Variants in SLC9A9 observed in about 807,000 individuals in gnomAD.
SLC9A9 encodes the protein solute carrier family 9 member A9.
In SLC9A9, 62 loss-of-function variants were observed where a neutral mutation model predicts 77.8. The observed-to-expected ratio is 0.80, with a 90% CI of 0.65 to 0.98. The LOEUF (loss-of-function observed/expected upper bound fraction) is 0.98, where lower values mean the gene tolerates loss of function less well. Ranked by LOEUF, SLC9A9 falls within the 50% of genes least tolerant of loss-of-function variation. The probability of loss-of-function intolerance (pLI) is 0.00; values close to 1 mark genes in which losing one functional copy is unlikely to be tolerated. For synonymous variants in SLC9A9, 320 were observed against 283.5 expected (o/e 1.13, Z -1.29); for missense variants, 775 against 774.9 (o/e 1.00, Z 0.00).
intron 2 of SLC9A9, among the ~76,000 whole-genome samples, chr3:143,805,379 C>T (rs1353155612): frequency 6.6e-6 from 1 of 152,088 alleles, no homozygotes; most frequent in African/African-American, 2.4e-5. Context: ...AAACATCGCC[C>T]ATTATCTCTC....
chr3:143,651,716 G>C (rs534932727), intron 6 of SLC9A9, among the ~76,000 whole-genome samples: 2 of 152,176 alleles, frequency 1.3e-5, no homozygotes, highest in Non-Finnish European at 2.9e-5. Flanking sequence ...TCCTTCCAGC[G>C]CAAAGGGAAA....
intron 11 of SLC9A9, among the ~76,000 whole-genome samples, chr3:143,490,383 A>G (rs2035720003): frequency 6.7e-6 from 1 of 150,294 alleles, no homozygotes; most frequent in Non-Finnish European, 1.5e-5. Context: ...ACATGGATGA[A>G]CCTTGAGGAT....
At chr3:143,785,062 C>T (rs922545612) in intron 4 of SLC9A9, among the ~76,000 whole-genome samples, 14 of 152,180 alleles carry the variant, frequency 9.2e-5, no homozygotes, top group African/African-American at 2.2e-4. Flanking sequence ...GTTTATAAGA[C>T]GCCAGTCTAT....
chr3:143,804,681 C>T (rs1004315517), intron 2 of SLC9A9, among the ~76,000 whole-genome samples: 4 of 152,136 alleles, frequency 2.6e-5, no homozygotes, highest in African/African-American at 9.7e-5. Context: ...CAAATGGGAC[C>T]AAAGAGCTCC....
At chr3:143,633,581 CAGTGT>C (rs2038464189) in intron 6 of SLC9A9, among the ~76,000 whole-genome samples, 1 of 151,966 alleles carries the variant, frequency 6.6e-6, no homozygotes. Flanking sequence ...TACAATGATA[CAGTGT>C]ATAAATATCT....
At chr3:143,522,071 A>C (rs936222694) in intron 9 of SLC9A9, among the ~76,000 whole-genome samples, 2 of 152,144 alleles carry the variant, frequency 1.3e-5, no homozygotes, top group African/African-American at 4.8e-5. Context: ...CTTCCAACCT[A>C]AGATTCTGTT....
At chr3:143,526,687 C>T (rs1413594235) in intron 9 of SLC9A9, among the ~76,000 whole-genome samples, 1 of 152,126 alleles carries the variant, frequency 6.6e-6, no homozygotes, top group Non-Finnish European at 1.5e-5. Context: ...GAGGAAAAAC[C>T]TCCTATTCTC....
At chr3:143,521,020 T>C (rs1450972308) in intron 9 of SLC9A9, among the ~76,000 whole-genome samples, 1 of 152,176 alleles carries the variant, frequency 6.6e-6, no homozygotes, top group African/African-American at 2.4e-5. Flanking sequence ...TTCTCCTGTT[T>C]GTGACTAGAA....
chr3:143,734,732 C>CAAAAA (rs532314682), intron 4 of SLC9A9, among the ~76,000 whole-genome samples: 2 of 66,156 alleles, frequency 3.0e-5, no homozygotes, highest in Non-Finnish European at 6.6e-5. Flanking sequence ...GACTCCATCT[C>CAAAAA]AAAAAAAAAA....
chr3:143,443,697 G>A (rs994759743), intron 12 of SLC9A9, among the ~76,000 whole-genome samples: 3 of 152,082 alleles, frequency 2.0e-5, no homozygotes, highest in African/African-American at 7.2e-5. Context: ...TATTCCCAAG[G>A]GCTGTCCTAA....
chr3:143,470,084 A>C (rs838623), intron 11 of SLC9A9, among the ~76,000 whole-genome samples: 34,608 of 152,174 alleles, frequency 0.23, 5,130 homozygotes, highest in Non-Finnish European at 0.34. Flanking sequence ...TCAAGGAAAC[A>C]GTCGTACAAT....
chr3:143,752,835 G>C (rs1468453091), intron 4 of SLC9A9, among the ~76,000 whole-genome samples: 1 of 152,144 alleles, frequency 6.6e-6, no homozygotes, highest in Non-Finnish European at 1.5e-5. Flanking sequence ...AATGGATATG[G>C]AAAAGAAAAG....
intron 9 of SLC9A9, among the ~76,000 whole-genome samples, chr3:143,534,002 T>G (rs926360298): frequency 2.0e-5 from 3 of 152,210 alleles, no homozygotes; most frequent in Non-Finnish European, 2.9e-5. Flanking sequence ...ATTAAAGATT[T>G]CATATGGTAA....
At chr3:143,842,579 C>T (rs754324432) in intron 1 of SLC9A9, among the ~76,000 whole-genome samples, 7 of 152,200 alleles carry the variant, frequency 4.6e-5, no homozygotes, top group Non-Finnish European at 8.8e-5. Flanking sequence ...ATGCTGGGCT[C>T]CTAACCGTGA....
rs753314645 is a variant in SLC9A9, at chr3:143,848,253, G to A, written c.70C>T (p.Leu24=). The part of the protein sequence containing the change: ...YQFQHQGAVE[L]LVFNFLLILT... ...ATGAGCAAAAAATTGAAGACAAGCA[G>A]CTCCACCGCTCCCTGATGTTGAAAC... Residue 24 remains leucine, a synonymous_variant, in exon 1 of 16, where the codon CTG becomes TTG. Transcript: ENST00000316549. 56 of 1,613,866 alleles carry A rather than the reference G, an allele frequency of 3.5e-5. No homozygotes were observed. Among genetic ancestry groups the A allele is most frequent in the Middle Eastern group, 3.3e-4 (2 of 6,084 alleles).
intron 12 of SLC9A9, among the ~76,000 whole-genome samples, chr3:143,450,673 G>A (rs2034991048): frequency 6.6e-6 from 1 of 152,154 alleles, no homozygotes; most frequent in Admixed American, 6.5e-5. Context: ...GAATCCCACT[G>A]AAATGACAAA....
rs1019111639 is a variant in SLC9A9, at chr3:143,751,465, C to T, written c.533+43536G>A. 4.6e-5 allele frequency among the ~76,000 whole-genome samples: 7 copies of T among 152,084 alleles called. No individual in the cohort carries two copies. The East Asian group carries it at 7.7e-4, about 17-fold the overall frequency. On this transcript the variant is annotated intron_variant, in intron 4 of 15. Transcript: ENST00000316549. ...GGGCATGCTGCTTTCCAGAGACATC[C>T]GATGCTATAAACATATGAAGACCTG...
At chr3:143,296,209 A>G (rs1364550964) in intron 14 of SLC9A9, among the ~76,000 whole-genome samples, 1 of 152,204 alleles carries the variant, frequency 6.6e-6, no homozygotes, top group Non-Finnish European at 1.5e-5. Flanking sequence ...TGCCAATTAA[A>G]TAGCAACTTC....
intron 8 of SLC9A9, among the ~76,000 whole-genome samples, chr3:143,554,473 A>T (rs2036944533): frequency 6.6e-6 from 1 of 152,136 alleles, no homozygotes; most frequent in South Asian, 2.1e-4. Flanking sequence ...CCTTGAACCC[A>T]AACACTTCTC....
Sources: allele counts gnomAD v4.1 joint callset (sites outside exome capture counted in the v4.1 genomes callset), GRCh38; gene constraint gnomAD v4.1.1; transcripts MANE v1.5; gene names NCBI Gene and HGNC (gene_info 2026-07-23, HGNC 2026-07-21).